The following NPRL3 variants were observed in gnomAD, a reference collection of about 807,000 sequenced individuals.
The protein encoded by NPRL3 is NPR3 like, GATOR1 complex subunit.
NPRL3 carries 23 observed loss-of-function variants against 57.2 expected under a neutral mutation model. The ratio of observed to expected loss-of-function variants is 0.40; its 90% confidence interval spans 0.29 to 0.57. NPRL3 has a LOEUF of 0.57. Among genes scored for constraint, NPRL3 ranks in the 20% least tolerant of loss-of-function variants. The pLI, the probability that NPRL3 is intolerant of heterozygous loss-of-function variation, is 0.42. For missense variants in NPRL3, 691 were observed against 767.1 expected (o/e 0.90, Z 1.17); for synonymous variants, 333 against 321.1 (o/e 1.04, Z -0.39).
chr16:123,471 C>T, intron 3 of NPRL3: 1 of 470,574 alleles, frequency 2.1e-6, no homozygotes, highest in South Asian at 1.5e-5. Flanking sequence ...CAGCCGGAAT[C>T]AAGACAGAAA....
chr16:100,384 A>G lies in NPRL3; in HGVS notation c.755T>C (p.Leu252Pro), dbSNP rs747035776. ...LIPPEAIERSLKAIRPYHALL... is the reference protein window; with the variant it reads ...LIPPEAIERSPKAIRPYHALL... ...GCTGGGCACTTACCGGATGGCTTTC[A>G]GGCTCCGTTCGATGGCCTCTGGGGG... The change falls in exon 8 of 14, where the codon CTG (leucine) becomes CCG (proline). Residue 252 changes from leucine (L) to proline (P), a missense_variant. Physicochemically the swap from Leu to Pro is moderately conservative, Grantham distance 98. Coordinates refer to ENST00000611875, the MANE Select transcript of NPRL3 (RefSeq NM_001077350.3). 3.8e-5 allele frequency: 59 copies of G among 1,549,834 alleles called. No homozygotes were observed. The highest frequency in any genetic ancestry group is 5.0e-5 in the Non-Finnish European group (57 of 1,148,678).
At chr16:123,690 A>G (rs1244484825) in intron 3 of NPRL3, 5 of 402,964 alleles carry the variant, frequency 1.2e-5, no homozygotes, top group Non-Finnish European at 2.5e-5. Flanking sequence ...GACCATCACG[A>G]CTAAGCAACT....
intron 3 of NPRL3, among the ~76,000 whole-genome samples, chr16:127,597 C>T (rs936792909): frequency 2.0e-5 from 3 of 151,980 alleles, no homozygotes; most frequent in African/African-American, 7.3e-5. Context: ...ATGGTAGACA[C>T]TATTTCCATA....
intron 2 of NPRL3, among the ~76,000 whole-genome samples, chr16:136,683 G>A (rs1433888327): frequency 2.2e-5 from 3 of 138,560 alleles, no homozygotes; most frequent in Non-Finnish European, 4.6e-5. Context: ...TGCAAGACTC[G>A]TCTCAAAAAA....
chr16:94,847 C>T (rs1436583642), intron 9 of NPRL3, among the ~76,000 whole-genome samples: 1 of 152,178 alleles, frequency 6.6e-6, no homozygotes, highest in Non-Finnish European at 1.5e-5. Context: ...CTCTGCTCAG[C>T]ATAGTGGTCT....
intron 7 of NPRL3, among the ~76,000 whole-genome samples, chr16:103,296 A>ATTTTTTTTTTTGTTTTTTTTT (rs1899382325): frequency 2.4e-5 from 1 of 42,110 alleles, no homozygotes; most frequent in Non-Finnish European, 4.1e-5. Context: ...GCCTGGGGTG[A>ATTTTTTTTTTTGTTTTTTTTT]TTTTTTTTTT....
chr16:120,236 A>G (rs556561113), intron 3 of NPRL3, among the ~76,000 whole-genome samples: 74 of 152,046 alleles, frequency 4.9e-4, no homozygotes, highest in African/African-American at 1.8e-3. Flanking sequence ...AGGAGGGTGC[A>G]CTCTCTTGGG....
chr16:111,972 G>A (rs1295979880), intron 6 of NPRL3, among the ~76,000 whole-genome samples: 1 of 152,014 alleles, frequency 6.6e-6, no homozygotes, highest in Admixed American at 6.6e-5. Flanking sequence ...CTTTACAGTA[G>A]GCCAAAAAAC....
At chr16:126,621 C>A (rs1453423488) in intron 3 of NPRL3, among the ~76,000 whole-genome samples, 2 of 152,006 alleles carry the variant, frequency 1.3e-5, no homozygotes, top group Admixed American at 1.3e-4. Context: ...CCCACACCAG[C>A]CTTTCTGAGG....
At chr16:92,814 T>G in intron 10 of NPRL3, 89 bp from the exon 11 acceptor site, 1 of 1,547,592 alleles carries the variant, frequency 6.5e-7, no homozygotes, top group African/African-American at 1.4e-5. Context: ...AGAAGCAAAG[T>G]GTGGCAGGTG....
chr16:115,956 AT>A (rs1402475877), intron 5 of NPRL3, among the ~76,000 whole-genome samples: 5 of 152,268 alleles, frequency 3.3e-5, no homozygotes, highest in African/African-American at 1.2e-4. Context: ...AATTATTGTT[AT>A]AAAAATCTTT....
intron 3 of NPRL3, 143 bp downstream of exon 3, chr16:130,379 C>T (rs1408948215): frequency 7.6e-6 from 6 of 786,462 alleles, no homozygotes; most frequent in Non-Finnish European, 1.2e-5. Flanking sequence ...CCACTCTACA[C>T]TACCTGAGAG....
At chr16:100,724 C>G (rs1443306249) in intron 7 of NPRL3, among the ~76,000 whole-genome samples, 7 of 150,626 alleles carry the variant, frequency 4.6e-5, no homozygotes, top group African/African-American at 1.7e-4. Flanking sequence ...AATCCCAGCA[C>G]TTTGGGAGGC....
chr16:126,561 A>G (rs891501073), intron 3 of NPRL3, among the ~76,000 whole-genome samples: 11 of 152,146 alleles, frequency 7.2e-5, no homozygotes, highest in Admixed American at 7.2e-4. Flanking sequence ...CACTGCTCGC[A>G]GTTTCAAAGA....
At chr16:123,787 C>T (rs1211836914) in intron 3 of NPRL3, among the ~76,000 whole-genome samples, 15 of 148,084 alleles carry the variant, frequency 1.0e-4, no homozygotes, top group African/African-American at 3.5e-4. Flanking sequence ...GTCACACACT[C>T]CCCACGCTGA....
At chr16:91,398 CAG>C (rs932730730) in intron 11 of NPRL3, among the ~76,000 whole-genome samples, 6 of 152,136 alleles carry the variant, frequency 3.9e-5, no homozygotes, top group East Asian at 1.9e-4. Flanking sequence ...AAAAATAAAA[CAG>C]AGGGGCTTCC....
intron 9 of NPRL3, among the ~76,000 whole-genome samples, chr16:95,791 ACCT>A (rs965155392): frequency 6.6e-6 from 1 of 151,940 alleles, no homozygotes; most frequent in Non-Finnish European, 1.5e-5. Flanking sequence ...GCTGGTCGTG[ACCT>A]CCTGGGCTTA....
Position 100,503 on chromosome 16 carries a change from G to C in NPRL3, c.636C>G (p.Cys212Trp), listed in dbSNP as rs769173039. The change falls in exon 8 of 14, where the codon TGC becomes TGG. Residue 212 changes from cysteine to tryptophan, a missense_variant. Cys to Trp is a radical substitution (Grantham distance 215). Coordinates refer to ENST00000611875, the MANE Select transcript of NPRL3 (RefSeq NM_001077350.3). ...RDLKEAYDSL[C>W]TSGVVRLHIN... ...TGTGAAGCCGAACTACGCCCGACGT[G>C]CACAGGCTGCAGAGAGTGGGCGCTG... is the stretch of plus-strand genomic sequence containing the variant. 145 of 1,574,398 alleles carry C rather than the reference G, an allele frequency of 9.2e-5. No individual in the cohort carries two copies. Among genetic ancestry groups the C allele is most frequent in the Non-Finnish European group, 1.2e-4 (138 of 1,163,570 alleles).
Position 112,755 on chromosome 16 carries a change from C to A in NPRL3, c.414G>T (p.Val138=). 1 of 1,606,640 alleles carries A rather than the reference C, an allele frequency of 6.2e-7. No individual in the cohort carries two copies. The highest frequency in any genetic ancestry group is 1.1e-5 in the South Asian group (1 of 90,568). Residue 138 remains valine (V), a synonymous_variant, in exon 6 of 14, where the codon GTG becomes GTT. Coordinates refer to ENST00000611875, the MANE Select transcript of NPRL3 (RefSeq NM_001077350.3). ...FALRANADPS[V]INCLHNLSRR... Reference sequence around the variant, plus strand: ...GGGACAGGTTATGCAGACAGTTTATCACTGACGGGTCTGCGTTGGCCTGCA... The same window carrying A: ...GGGACAGGTTATGCAGACAGTTTATAACTGACGGGTCTGCGTTGGCCTGCA...
Sources: allele counts gnomAD v4.1 joint callset (sites outside exome capture counted in the v4.1 genomes callset), GRCh38; gene constraint gnomAD v4.1.1; transcripts MANE v1.5; gene names NCBI Gene and HGNC (gene_info 2026-07-23, HGNC 2026-07-21).